Variants in SPEN observed in about 807,000 individuals in gnomAD.
SPEN encodes the protein msx2-interacting protein.
Under a neutral mutation model 269.9 loss-of-function variants are expected in SPEN, and 18 were observed. The ratio of observed to expected loss-of-function variants is 0.07; its 90% confidence interval spans 0.05 to 0.10. The LOEUF is 0.10. Ranked by LOEUF, SPEN falls within the 10% of genes least tolerant of loss-of-function variation. The pLI, the probability that SPEN is intolerant of heterozygous loss-of-function variation, is 1.00. For synonymous variants in SPEN, 1,726 were observed against 1,765.7 expected (o/e 0.98, Z 0.56); for missense variants, 3,822 against 4,631.2 (o/e 0.83, Z 5.07).
chr1:15,873,628 A>G (rs961356854), intron 2 of SPEN: 2 of 995,158 alleles, frequency 2.0e-6, no homozygotes, highest in African/African-American at 3.5e-5. Flanking sequence ...GGCAGACCAT[A>G]ATGATTCAAC....
intron 3 of SPEN, among the ~76,000 whole-genome samples, chr1:15,902,073 C>T (rs1461498104): frequency 6.6e-6 from 1 of 151,742 alleles, no homozygotes; most frequent in Non-Finnish European, 1.5e-5. Flanking sequence ...GGACTACAGG[C>T]ATGTGCCACC....
intron 3 of SPEN, among the ~76,000 whole-genome samples, chr1:15,895,123 T>C (rs188185989): frequency 6.6e-6 from 1 of 152,028 alleles, no homozygotes; most frequent in African/African-American, 2.4e-5. Context: ...GGTTTCTCCA[T>C]GTTGGTCAGG....
intron 3 of SPEN, among the ~76,000 whole-genome samples, chr1:15,897,314 G>A (rs547219412): frequency 3.4e-4 from 52 of 151,722 alleles, no homozygotes; most frequent in Admixed American, 1.8e-3. Flanking sequence ...TCAGCCACCC[G>A]AGTAGCTGGG....
intron 3 of SPEN, among the ~76,000 whole-genome samples, chr1:15,901,136 T>A (rs1184266641): frequency 6.6e-6 from 1 of 151,354 alleles, no homozygotes; most frequent in Non-Finnish European, 1.5e-5. Context: ...GGAGGACGTT[T>A]GAGCCCAGGA....
Position 15,932,794 on chromosome 1 carries a change from C to G in SPEN, c.6554C>G (p.Ser2185Cys), listed in dbSNP as rs2071235172. Residue 2185 changes from serine to cysteine, a missense_variant, in exon 11 of 15, where the codon TCT becomes TGT. This residue lies in a region of SPEN where 727 missense variants were observed against 737.9 expected (regional missense o/e 0.99). Transcript: ENST00000375759. The surrounding 1 kb of genome is among the most constrained non-coding windows in gnomAD (Gnocchi z 4.2). ...CACATCGCAAAGCTCGCTGAGGCCT[C>G]TGCCTCTGCTGCCTATAAGGCAGAT... ...VEHIAKLAEA[S>C]ASAAYKADAP... 6.2e-7 allele frequency: 1 copy of G among 1,614,130 alleles called. No individual in the cohort carries two copies. Among genetic ancestry groups the G allele is most frequent in the African/African-American group, 1.3e-5 (1 of 74,940 alleles).
intron 1 of SPEN, among the ~76,000 whole-genome samples, chr1:15,849,651 CTG>C (rs990429273): frequency 3.9e-5 from 6 of 152,120 alleles, no homozygotes; most frequent in African/African-American, 1.4e-4. Context: ...AAATTCACCT[CTG>C]TGCCCTAGGA....
In SPEN at chr1:15,938,927, A is replaced by AGGGTAGGTGGGGCTGG. The variant is rs767359339; in HGVS notation, c.10863+51_10863+52insGGGTAGGTGGGGCTGG. ...ACATGTACACCCACAGGTGGGGCTG[A>AGGGTAGGTGGGGCTGG]TCAGGGTAGGTGGGCCTACTCATCT... On this transcript the variant is annotated intron_variant, in intron 14 of 14. Transcript: ENST00000375759. The AGGGTAGGTGGGGCTGG allele has an allele frequency of 4.4e-6, 7 of 1,587,456 alleles. No homozygotes were observed. The South Asian group carries it at 8.0e-5, about 18-fold the overall frequency.
intron 10 of SPEN, among the ~76,000 whole-genome samples, chr1:15,923,817 A>T (rs532529155): frequency 6.6e-6 from 1 of 151,828 alleles, no homozygotes. Flanking sequence ...CTACAGGCGC[A>T]TGCCACCATG....
At chr1:15,883,153 T>C (rs967835953) in intron 3 of SPEN, among the ~76,000 whole-genome samples, 1 of 152,202 alleles carries the variant, frequency 6.6e-6, no homozygotes, top group Admixed American at 6.5e-5. Context: ...AGTTGTTACA[T>C]TATTAAAATT....
Position 15,934,592 on chromosome 1 carries a change from G to T in SPEN, c.8352G>T (p.Arg2784=). Residue 2784 remains arginine, a synonymous_variant, in exon 11 of 15, where the codon CGG becomes CGT. Transcript: ENST00000375759. The surrounding 1 kb of genome is among the most constrained non-coding windows in gnomAD (Gnocchi z 9.2). The part of the protein sequence containing the change: ...KQRASANENS[R]FHPGSMPVID... ...GAGCGAGTGCTAATGAAAACAGTCG[G>T]TTCCACCCAGGGTCCATGCCTGTGA... 6.2e-7 allele frequency: 1 copy of T among 1,614,132 alleles called. No individual in the cohort carries two copies. Among genetic ancestry groups the T allele is most frequent in the Non-Finnish European group, 8.5e-7 (1 of 1,180,022 alleles).
chr1:15,878,978 G>C (rs532994394), intron 3 of SPEN, among the ~76,000 whole-genome samples: 1 of 138,416 alleles, frequency 7.2e-6, no homozygotes, highest in African/African-American at 2.8e-5. Context: ...ACTCCAGCCT[G>C]GGTGACAGAT....
intron 1 of SPEN, among the ~76,000 whole-genome samples, chr1:15,865,700 A>G (rs1287539769): frequency 2.4e-5 from 3 of 124,776 alleles, no homozygotes; most frequent in Non-Finnish European, 3.6e-5. Flanking sequence ...TGCTGGGATT[A>G]CAGGTGTGAG....
chr1:15,939,004 A>G lies in SPEN; in HGVS notation c.10863+128A>G, dbSNP rs2071308813. 4 of 1,257,840 alleles carry G rather than the reference A, an allele frequency of 3.2e-6. No individual in the cohort carries two copies. Among genetic ancestry groups the G allele is most frequent in the Non-Finnish European group, 4.4e-6 (4 of 908,878 alleles). 77.9% of individuals were successfully genotyped at this position (1,257,840 alleles called of 1,614,324 possible). On this transcript the variant is annotated intron_variant, in intron 14 of 14. Coordinates refer to ENST00000375759, the MANE Select transcript of SPEN (RefSeq NM_015001.3). The surrounding 1 kb of genome is among the most constrained non-coding windows in gnomAD (Gnocchi z 4.1). Reference sequence around the variant, plus strand: ...GTGGGCAAAGGGGCATTTTGGACAGAAGTCAGTAGAGCACATGGGGCGGGG... The same window carrying G: ...GTGGGCAAAGGGGCATTTTGGACAGGAGTCAGTAGAGCACATGGGGCGGGG...
chr1:15,935,964 G>GCCCCCA lies in SPEN; in HGVS notation c.9735_9740dup (p.Thr3246_Pro3247dup). 1.9e-6 allele frequency: 3 copies of GCCCCCA among 1,568,144 alleles called. No homozygotes were observed. In the African/African-American group the frequency reaches 4.1e-5, roughly 22 times the overall value. On this transcript the variant is annotated inframe_insertion, in exon 11 of 15. Coordinates refer to ENST00000375759, the MANE Select transcript of SPEN (RefSeq NM_015001.3). The surrounding 1 kb of genome is among the most constrained non-coding windows in gnomAD (Gnocchi z 7.7). ...TGCCAAGACACCAGATGCCAAAGCT[G>GCCCCCA]CCCCCACCCCCACCCCTGCCCCCGT...
At chr1:15,903,788 C>T (rs944238362) in intron 3 of SPEN, among the ~76,000 whole-genome samples, 3 of 152,150 alleles carry the variant, frequency 2.0e-5, no homozygotes, top group African/African-American at 7.2e-5. Context: ...GCCCGGCTTC[C>T]AATTCTTTAT....
chr1:15,900,238 A>G (rs1394473485), intron 3 of SPEN, among the ~76,000 whole-genome samples: 1 of 152,170 alleles, frequency 6.6e-6, no homozygotes, highest in Non-Finnish European at 1.5e-5. Flanking sequence ...ACCTTTTTCT[A>G]ATTTCTTCTG....
chr1:15,908,202 A>G (rs912907540), intron 3 of SPEN, among the ~76,000 whole-genome samples: 2 of 152,118 alleles, frequency 1.3e-5, no homozygotes, highest in Non-Finnish European at 2.9e-5. Flanking sequence ...GTAACTGAGC[A>G]GTGCTGCTTC....
intron 6 of SPEN, 126 bp downstream of exon 6, chr1:15,916,405 CTCTT>C: frequency 1.5e-5 from 15 of 1,023,054 alleles, no homozygotes; most frequent in Non-Finnish European, 1.9e-5. Flanking sequence ...GTGCTTTTAG[CTCTT>C]GCTAAAAGAT....
In SPEN at chr1:15,931,077, A is replaced by G. The variant is rs750074484; in HGVS notation, c.4837A>G (p.Thr1613Ala). 1 of 1,613,984 alleles carries G rather than the reference A, an allele frequency of 6.2e-7. No individual in the cohort carries two copies. Among genetic ancestry groups the G allele is most frequent in the Admixed American group, 1.7e-5 (1 of 59,974 alleles). ...CAAAGAGGTTGAGAAACAGGAAGAT[A>G]CAGAGAATCATCCCAAGACCCCAGA... ...KPKEVEKQEDTENHPKTPESA... is the reference protein window; with the variant it reads ...KPKEVEKQEDAENHPKTPESA... Residue 1613 changes from threonine (T) to alanine (A), a missense_variant, in exon 11 of 15, where the codon ACA becomes GCA. By Grantham distance (58) the Thr-to-Ala change is moderately conservative. Around this residue, in one of 16 missense-constraint regions of SPEN, gnomAD observed 533 missense variants for 618.8 expected, o/e 0.86. Coordinates refer to ENST00000375759, the MANE Select transcript of SPEN (RefSeq NM_015001.3). This position sits in a 1 kb window ranked among gnomAD's most constrained non-coding sequence, Gnocchi z 4.8.
Sources: gnomAD v4.1 joint callset for allele counts (sites outside exome capture counted in the v4.1 genomes callset) on GRCh38, gnomAD v4.1.1 for gene constraint, gnomAD v4.1.1 regional missense constraint, Gnocchi (gnomAD v3.1) non-coding constraint, MANE v1.5 for transcripts, NCBI Gene and HGNC (gene_info 2026-07-23, HGNC 2026-07-21) for gene names.